NLRP8: variants seen among roughly 807,000 people sequenced by gnomAD.
NLRP8 encodes NACHT, LRR and PYD domains-containing protein 8.
NLRP8 carries 86 observed loss-of-function variants against 88.7 expected under a neutral mutation model. The observed-to-expected ratio is 0.97, with a 90% CI of 0.81 to 1.16. NLRP8 has a LOEUF of 1.16. Ranked by LOEUF, NLRP8 falls within the 50% of genes most tolerant of loss-of-function variation. NLRP8 has a pLI of 0.00. For synonymous variants in NLRP8, 504 were observed against 494.6 expected, an observed-to-expected ratio of 1.02 and a Z score of -0.25; for missense variants, 1,342 against 1,286.5, an observed-to-expected ratio of 1.04 and a Z score of -0.66.
rs551248174 is a variant in NLRP8 at position 55,959,029 on chromosome 19, C to G, written c.2042+2929C>G. 5.9e-5 allele frequency among the ~76,000 whole-genome samples: 9 copies of G among 151,420 alleles called. No individual in the cohort carries two copies. In the East Asian group the frequency reaches 1.8e-3, roughly 30 times the overall value. On this transcript the variant is annotated intron_variant, in intron 3 of 9. Transcript: ENST00000291971. ...GAGTAGCTGGGACTACAGGCGCCCG[C>G]CAACACGCCAAGCTAATTTTTTGTA...
intron 4 of NLRP8, among the ~76,000 whole-genome samples, chr19:55,964,751 CAA>C (rs540038164): frequency 2.2e-4 from 21 of 95,140 alleles, no homozygotes; most frequent in Admixed American, 2.3e-4. Context: ...GACTCTGTCT[CAA>C]AAAAAAAAAA....
rs1326827295 is a variant in NLRP8, at chr19:55,981,912, T to G, written c.3047+2348T>G. 6.4e-5 allele frequency among the ~76,000 whole-genome samples: 4 copies of G among 62,410 alleles called. 1 individual carries two copies. The highest frequency in any genetic ancestry group is 1.7e-4 in the African/African-American group (4 of 23,240). 40.9% of individuals were successfully genotyped at this position (62,410 alleles called of 152,430 possible). ...AGGTTGGTTTCTCTTGTTTTTTGTT[T>G]TTTTTTTTGAGATGGAGTCTCACTC... On this transcript the variant is annotated intron_variant, in intron 9 of 9. Coordinates refer to ENST00000291971, the MANE Select transcript of NLRP8 (RefSeq NM_176811.2).
intron 4 of NLRP8, among the ~76,000 whole-genome samples, chr19:55,962,849 G>T (rs145936272): frequency 1.3e-4 from 20 of 152,066 alleles, no homozygotes; most frequent in African/African-American, 3.6e-4. Flanking sequence ...ATGCAGTCCC[G>T]CACGTGAAGC....
intron 4 of NLRP8, among the ~76,000 whole-genome samples, chr19:55,965,660 A>T (rs7507975): frequency 5.9e-5 from 9 of 151,348 alleles, no homozygotes; most frequent in South Asian, 2.1e-4. Context: ...ATTTTTTTAA[A>T]TTTTTTTTAT....
chr19:55,979,453 A>C lies in NLRP8; in HGVS notation c.2936A>C (p.Lys979Thr). Residue 979 changes from lysine to threonine, a missense_variant, in exon 9 of 10, where the codon AAA becomes ACA. Transcript: ENST00000291971. The stretch of plus-strand genomic sequence containing the variant: ...CAGGCCATGGCTTCCATGCTCCGCA[A>C]AAACCAACATCTGAGACATCTGGAC... 2 of 1,614,210 alleles carry C rather than the reference A, an allele frequency of 1.2e-6. No individual in the cohort carries two copies. Among genetic ancestry groups the C allele is most frequent in the South Asian group, 1.1e-5 (1 of 91,090 alleles).
intron 9 of NLRP8, among the ~76,000 whole-genome samples, chr19:55,980,639 T>C (rs1360760570): frequency 6.6e-6 from 1 of 152,134 alleles, no homozygotes; most frequent in Non-Finnish European, 1.5e-5. Flanking sequence ...TGCAGCTGGC[T>C]TCCTCCAGAA....
In NLRP8 at chr19:55,976,369, A is replaced by T. The variant is rs892889599; in HGVS notation, c.2876+66A>T. The stretch of plus-strand genomic sequence containing the variant: ...TGTATATAAGCGTCTCTCAGGATGG[A>T]ATATATAACAGGAAAGGGCTGTCTT... On this transcript the variant is annotated intron_variant, in intron 8 of 9. Coordinates refer to ENST00000291971, the MANE Select transcript of NLRP8 (RefSeq NM_176811.2). 6.0e-6 allele frequency: 8 copies of T among 1,327,020 alleles called. No individual in the cohort carries two copies. In the African/African-American group the frequency reaches 1.2e-4, roughly 20 times the overall value. 82.2% of individuals were successfully genotyped at this position (1,327,020 alleles called of 1,614,324 possible).
intron 3 of NLRP8, among the ~76,000 whole-genome samples, chr19:55,957,676 T>TAATAATA (rs1158533191): frequency 4.8e-4 from 1 of 2,100 alleles, no homozygotes; most frequent in Non-Finnish European, 1.9e-3. Flanking sequence ...ATAATAATTA[T>TAATAATA]ATATATATAT....
chr19:55,954,542 T>C lies in NLRP8; in HGVS notation c.484T>C (p.Phe162Leu), dbSNP rs1979241451. The C allele has an allele frequency of 6.2e-7, 1 of 1,613,770 alleles. No homozygotes were observed. Among genetic ancestry groups the C allele is most frequent in the Non-Finnish European group, 8.5e-7 (1 of 1,179,946 alleles). Reference sequence around the variant, plus strand: ...TAAATCGAATGTGATGGAAAAGTTTTTCCCCATATGGGACATTACGACTTG... The same window carrying C: ...TAAATCGAATGTGATGGAAAAGTTTCTCCCCATATGGGACATTACGACTTG... Residue 162 changes from phenylalanine to leucine, a missense_variant, in exon 3 of 10, where the codon TTC becomes CTC. Transcript: ENST00000291971.
At chr19:55,975,033 T>A (rs1231591893) in intron 7 of NLRP8, among the ~76,000 whole-genome samples, 2 of 152,184 alleles carry the variant, frequency 1.3e-5, no homozygotes, top group African/African-American at 4.8e-5. Flanking sequence ...AAATCAGCCA[T>A]GGCAGAAGTG....
intron 7 of NLRP8, 109 bp downstream of exon 7, chr19:55,973,931 G>T: frequency 1.8e-6 from 2 of 1,093,832 alleles, no homozygotes; most frequent in Non-Finnish European, 2.6e-6. Context: ...TGCCTACTGC[G>T]TGTTAGGCAT....
Position 55,979,403 on chromosome 19 carries a change from C to T in NLRP8, c.2886C>T (p.Asn962=), listed in dbSNP as rs761045396. The T allele has an allele frequency of 2.0e-5, 33 of 1,613,696 alleles. No individual in the cohort carries two copies. The South Asian group carries it at 3.5e-4, about 17-fold the overall frequency. The change falls in exon 9 of 10, where the codon AAC becomes AAT. Residue 962 remains asparagine (N), a synonymous_variant. Transcript: ENST00000291971. ...TGTTTCTGTGTCACAGGCTGGAAAACTGCCTGTTCACCTCCATCTGCTGCC... is the reference window on the plus strand; with the variant it reads ...TGTTTCTGTGTCACAGGCTGGAAAATTGCCTGTTCACCTCCATCTGCTGCC...
At chr19:55,986,239 CA>C (rs1487679024) in intron 9 of NLRP8, among the ~76,000 whole-genome samples, 1 of 151,840 alleles carries the variant, frequency 6.6e-6, no homozygotes, top group African/African-American at 2.4e-5. Context: ...ATGCCAAGTG[CA>C]ACTTCCAGAT....
intron 1 of NLRP8, among the ~76,000 whole-genome samples, chr19:55,950,629 G>A (rs766810940): frequency 7.2e-5 from 11 of 152,334 alleles, no homozygotes; most frequent in East Asian, 1.9e-4. Flanking sequence ...ACAAGGTGAC[G>A]CTCTGCCTTC....
chr19:55,982,779 T>A (rs907909769), intron 9 of NLRP8, among the ~76,000 whole-genome samples: 4 of 152,000 alleles, frequency 2.6e-5, no homozygotes, highest in African/African-American at 9.7e-5. Context: ...CCATCTACAT[T>A]AAAAAATGTT....
chr19:55,977,824 C>T (rs984711230), intron 8 of NLRP8, among the ~76,000 whole-genome samples: 4 of 151,934 alleles, frequency 2.6e-5, no homozygotes, highest in African/African-American at 9.7e-5. Context: ...TCTTGTAGAA[C>T]ATCTTTCATT....
intron 1 of NLRP8, among the ~76,000 whole-genome samples, chr19:55,951,167 T>C (rs1358649666): frequency 6.6e-6 from 1 of 152,188 alleles, no homozygotes. Context: ...AAGAAGGCCA[T>C]GCTGTGCCTT....
intron 3 of NLRP8, among the ~76,000 whole-genome samples, chr19:55,957,193 A>C (rs1185711057): frequency 6.6e-6 from 1 of 152,190 alleles, no homozygotes; most frequent in African/African-American, 2.4e-5. Context: ...GTCTTATCCA[A>C]TACAGGAGCC....
chr19:55,962,381 T>C, intron 4 of NLRP8, 144 bp downstream of exon 4: 3 of 851,322 alleles, frequency 3.5e-6, no homozygotes, highest in East Asian at 5.3e-5. Context: ...GAGGAATGAG[T>C]CATGGGGTGC....
Sources: allele counts gnomAD v4.1 joint callset (sites outside exome capture counted in the v4.1 genomes callset), GRCh38; gene constraint gnomAD v4.1.1; transcripts MANE v1.5; gene names NCBI Gene and HGNC (gene_info 2026-07-23, HGNC 2026-07-21).